UTS2: variants seen among roughly 807,000 people sequenced by gnomAD.
The protein encoded by UTS2 is urotensin-2.
A neutral mutation model predicts 12.6 loss-of-function variants in UTS2; 10 were observed. That is an observed-to-expected ratio of 0.80 (90% CI 0.49 to 1.35). The LOEUF (loss-of-function observed/expected upper bound fraction) is 1.35. Ranked by LOEUF, UTS2 falls within the 40% of genes most tolerant of loss-of-function variation. UTS2 has a pLI of 0.00. For synonymous variants in UTS2, 52 were observed against 50.0 expected (o/e 1.04, Z -0.17); for missense variants, 142 against 143.2 (o/e 0.99, Z 0.04).
upstream of UTS2, among the ~76,000 whole-genome samples, chr1:7,855,454 G>A (rs1166959350): frequency 1.3e-5 from 2 of 151,922 alleles, no homozygotes; most frequent in Non-Finnish European, 2.9e-5. Context: ...CGTGGTGGCG[G>A]GCCCCTGTAG....
At chr1:7,908,739 A>G in the UTS2 span, among the ~76,000 whole-genome samples, 1 of 152,058 alleles carries the variant, frequency 6.6e-6, no homozygotes, top group Admixed American at 6.6e-5. Context: ...GGTTTAATGG[A>G]CTCACAGTTC....
At chr1:7,848,556 T>C (rs1057297295) in intron 3 of UTS2, among the ~76,000 whole-genome samples, 1 of 152,170 alleles carries the variant, frequency 6.6e-6, no homozygotes, top group Non-Finnish European at 1.5e-5. Context: ...AGTTTTGCTC[T>C]GTTCCCCGGG....
chr1:7,860,501 C>A, the UTS2 span, among the ~76,000 whole-genome samples: 2 of 152,162 alleles, frequency 1.3e-5, no homozygotes, highest in Non-Finnish European at 2.9e-5. Context: ...TAAGGACTTT[C>A]TGTTTTAAAA....
the UTS2 span, among the ~76,000 whole-genome samples, chr1:7,885,764 G>A: frequency 6.6e-6 from 1 of 152,084 alleles, no homozygotes; most frequent in East Asian, 1.9e-4. Context: ...AGAGCTAGAG[G>A]GCGTGGTCAA....
At chr1:7,861,308 G>A in the UTS2 span, among the ~76,000 whole-genome samples, 1 of 150,724 alleles carries the variant, frequency 6.6e-6, no homozygotes, top group Admixed American at 6.6e-5. Context: ...TTAAACCCCT[G>A]GGAGAGAGGT....
chr1:7,864,577 C>A, the UTS2 span, among the ~76,000 whole-genome samples: 1 of 152,178 alleles, frequency 6.6e-6, no homozygotes, highest in African/African-American at 2.4e-5. Flanking sequence ...GGTCACAAAC[C>A]ATTCTCTGCT....
the UTS2 span, among the ~76,000 whole-genome samples, chr1:7,899,178 C>T: frequency 0.069 from 10,488 of 152,162 alleles, 1,343 homozygotes; most frequent in East Asian, 0.55. Flanking sequence ...GACCCAATCA[C>T]CTCCCACCAG....
the UTS2 span, among the ~76,000 whole-genome samples, chr1:7,862,983 G>T: frequency 4.4e-5 from 1 of 22,532 alleles, no homozygotes; most frequent in East Asian, 9.3e-4. Flanking sequence ...GTTATTTATT[G>T]TGTTGTGTTG....
At chr1:7,870,406 A>G in the UTS2 span, among the ~76,000 whole-genome samples, 3 of 152,160 alleles carry the variant, frequency 2.0e-5, no homozygotes, top group African/African-American at 7.2e-5. Flanking sequence ...ACTGCAAAAA[A>G]TTTCTTTTCT....
chr1:7,849,558 C>T, intron 3 of UTS2, 82 bp downstream of exon 3: 2 of 1,264,402 alleles, frequency 1.6e-6, no homozygotes, highest in Non-Finnish European at 2.2e-6. Flanking sequence ...GAACACTCCT[C>T]TAGTTCATGA....
chr1:7,885,941 C>T, the UTS2 span, among the ~76,000 whole-genome samples: 1 of 148,588 alleles, frequency 6.7e-6, no homozygotes, highest in African/African-American at 2.5e-5. Flanking sequence ...AGGTCGGAAC[C>T]CTGGGCCTGT....
upstream of UTS2, among the ~76,000 whole-genome samples, chr1:7,857,972 C>T (rs971541903): frequency 2.0e-5 from 3 of 151,920 alleles, no homozygotes; most frequent in Admixed American, 1.3e-4. Flanking sequence ...AGAGGAAGGA[C>T]GGACTCAGGC....
chr1:7,857,973 G>A (rs980289305), upstream of UTS2, among the ~76,000 whole-genome samples: 2 of 152,062 alleles, frequency 1.3e-5, no homozygotes, highest in African/African-American at 2.4e-5. Context: ...GAGGAAGGAC[G>A]GACTCAGGCC....
chr1:7,895,610 C>A, the UTS2 span, among the ~76,000 whole-genome samples: 1 of 152,080 alleles, frequency 6.6e-6, no homozygotes, highest in Non-Finnish European at 1.5e-5. Flanking sequence ...TACCATCTGA[C>A]GTGATGGAAA....
At chr1:7,849,277 C>T (rs1378344674) in intron 3 of UTS2, among the ~76,000 whole-genome samples, 1 of 151,842 alleles carries the variant, frequency 6.6e-6, no homozygotes, top group Non-Finnish European at 1.5e-5. Context: ...TGCAGTGGCG[C>T]GATCTCAGCT....
the UTS2 span, among the ~76,000 whole-genome samples, chr1:7,883,071 A>G: frequency 2.0e-5 from 3 of 152,344 alleles, no homozygotes; most frequent in South Asian, 4.1e-4. Context: ...CATCAAAGCT[A>G]TATCTGCACT....
the UTS2 span, among the ~76,000 whole-genome samples, chr1:7,860,363 C>T: frequency 0.26 from 39,038 of 151,746 alleles, 5,232 homozygotes; most frequent in South Asian, 0.37. Context: ...TGGGGTGGGA[C>T]TGTATTAGGC....
chr1:7,860,700 CTG>C, the UTS2 span, among the ~76,000 whole-genome samples: 1 of 151,880 alleles, frequency 6.6e-6, no homozygotes, highest in Admixed American at 6.6e-5. Context: ...TCCCAAGGTG[CTG>C]GGATTACAGG....
the UTS2 span, among the ~76,000 whole-genome samples, chr1:7,879,367 C>T: frequency 6.6e-6 from 1 of 152,148 alleles, no homozygotes; most frequent in Non-Finnish European, 1.5e-5. Context: ...ACTTTGGAAA[C>T]TACACAAATA....
Sources: allele counts gnomAD v4.1 joint callset (sites outside exome capture counted in the v4.1 genomes callset), GRCh38; gene constraint gnomAD v4.1.1; transcripts MANE v1.5; gene names NCBI Gene and HGNC (gene_info 2026-07-23, HGNC 2026-07-21).